Variants in SCN11A observed in about 807,000 individuals in gnomAD.
SCN11A encodes sodium voltage-gated channel alpha subunit 11.
A neutral mutation model predicts 162.2 loss-of-function variants in SCN11A; 122 were observed. The observed-to-expected ratio is 0.75, with a 90% confidence interval of 0.65 to 0.87. The LOEUF (loss-of-function observed/expected upper bound fraction) is 0.87. Among genes scored for constraint, SCN11A ranks in the 40% least tolerant of loss-of-function variants. SCN11A has a pLI of 0.00. For missense variants in SCN11A, 2,015 were observed against 2,181.6 expected (o/e 0.92, Z 1.52); for synonymous variants, 758 against 751.5 (o/e 1.01, Z -0.14).
rs1559498286 is a variant in SCN11A at position 38,871,672 on chromosome 3, T to C, written c.3532A>G (p.Ile1178Val). The change falls in exon 25 of 30, where the codon ATT becomes GTT. Residue 1178 changes from isoleucine to valine, a missense_variant. Transcript: ENST00000302328. ...VNALIGAIPA[I>V]LNVLLVCLIF... Reference sequence around the variant, plus strand: ...AGGCAGACAAGCAAAACATTCAGAATGGCAGGTATGGCACCTATGAGAGCA... The same window carrying C: ...AGGCAGACAAGCAAAACATTCAGAACGGCAGGTATGGCACCTATGAGAGCA... 2 of 1,611,834 alleles carry C rather than the reference T, an allele frequency of 1.2e-6. No homozygotes were observed. Among genetic ancestry groups the C allele is most frequent in the Non-Finnish European group, 8.5e-7 (1 of 1,178,902 alleles).
intron 1 of SCN11A, among the ~76,000 whole-genome samples, chr3:39,040,857 T>C (rs2032034765): frequency 1.3e-5 from 2 of 151,954 alleles, no homozygotes; most frequent in Non-Finnish European, 2.9e-5. Context: ...GGTGGGCGGA[T>C]CATGAGGTCA....
intron 4 of SCN11A, among the ~76,000 whole-genome samples, chr3:38,950,981 A>G (rs1388290136): frequency 6.6e-6 from 1 of 152,372 alleles, no homozygotes; most frequent in East Asian, 1.9e-4. Flanking sequence ...GAGAGGTGAC[A>G]GCGTGCTGGC....
At chr3:38,901,649 G>C (rs2065701631) in intron 16 of SCN11A, among the ~76,000 whole-genome samples, 1 of 152,190 alleles carries the variant, frequency 6.6e-6, no homozygotes, top group African/African-American at 2.4e-5. Flanking sequence ...CCTGGCCCAT[G>C]CATCAGAGGA....
intron 11 of SCN11A, among the ~76,000 whole-genome samples, chr3:38,910,863 A>G (rs1050642081): frequency 1.2e-4 from 18 of 152,242 alleles, no homozygotes; most frequent in African/African-American, 4.1e-4. Flanking sequence ...TTACCAAAAC[A>G]CAAATTATTG....
rs2065286857 is a variant in SCN11A, at chr3:38,880,205, C to T, written c.3220-82G>A. 5 of 999,244 alleles carry T rather than the reference C, an allele frequency of 5.0e-6. No individual in the cohort carries two copies. The South Asian group carries it at 6.8e-5, about 13-fold the overall frequency. 61.9% of individuals were successfully genotyped at this position (999,244 alleles called of 1,614,324 possible). A position where few individuals can be genotyped will look rare whatever the true frequency, so the allele number is the denominator to read the frequency against. On this transcript the variant is annotated intron_variant, in intron 22 of 29. Coordinates refer to ENST00000302328, the MANE Select transcript of SCN11A (RefSeq NM_001349253.2). ...GTAACTTTACTTTTTGTTTTTCTTC[C>T]TTATATGAATAAAAACTGGTATCTC...
chr3:38,859,323 A>C (rs1020233881), intron 28 of SCN11A, among the ~76,000 whole-genome samples: 4 of 152,124 alleles, frequency 2.6e-5, no homozygotes, highest in African/African-American at 9.7e-5. Flanking sequence ...TCAATTAAAA[A>C]TGATACAGGA....
At position 38,995,797 on chromosome 3, in the gene SCN11A, T is replaced by TTGTCTATCTATCTATCTGTC. The variant is rs1553648565; in HGVS notation, c.-279-35375_-279-35374insGACAGATAGATAGATAGACA. Among the ~76,000 whole-genome samples, 328 of 108,554 alleles carry TTGTCTATCTATCTATCTGTC rather than the reference T, an allele frequency of 3.0e-3. 1 individual carries two copies. Among genetic ancestry groups the TTGTCTATCTATCTATCTGTC allele is most frequent in the African/African-American group, 0.014 (307 of 22,168 alleles). The allele number at this position is 108,554 out of a possible 152,430, so 71.2% of individuals were successfully genotyped here. On this transcript the variant is annotated intron_variant, in intron 2 of 29. Coordinates refer to ENST00000302328, the MANE Select transcript of SCN11A (RefSeq NM_001349253.2). The stretch of plus-strand genomic sequence containing the variant: ...ATGTGAGCCAATTTCTCACAATAAA[T>TTGTCTATCTATCTATCTGTC]TGTCTATCTATCTATCTATCTGTCT...
rs1372148472 is a variant in SCN11A at position 39,020,968 on chromosome 3, T to G, written c.-280+11412A>C. On this transcript the variant is annotated intron_variant, in intron 2 of 29. Transcript: ENST00000302328. ...CAAAAAAAAATATTGCAAAGGGGAG[T>G]GGGGAGGAACTATTGCAATAGTGAG... Among the ~76,000 whole-genome samples, 4 of 144,260 alleles carry G rather than the reference T, an allele frequency of 2.8e-5. No homozygotes were observed. In the East Asian group the frequency reaches 8.1e-4, roughly 29 times the overall value. 94.6% of individuals were successfully genotyped at this position (144,260 alleles called of 152,430 possible).
At chr3:39,022,664 T>C (rs990253892) in intron 2 of SCN11A, among the ~76,000 whole-genome samples, 2 of 152,106 alleles carry the variant, frequency 1.3e-5, no homozygotes, top group African/African-American at 2.4e-5. Context: ...GGTGGATTGC[T>C]TGAGTCCAGG....
intron 2 of SCN11A, among the ~76,000 whole-genome samples, chr3:38,985,216 C>A (rs1399554157): frequency 6.8e-6 from 1 of 148,018 alleles, no homozygotes; most frequent in Non-Finnish European, 1.5e-5. Context: ...CAAGCTCTGC[C>A]TCCCGGGTTT....
intron 21 of SCN11A, among the ~76,000 whole-genome samples, chr3:38,883,857 G>A (rs184756315): frequency 6.6e-6 from 1 of 152,304 alleles, no homozygotes; most frequent in African/African-American, 2.4e-5. Context: ...TGTTTGTTAT[G>A]CAGCAATTTT....
chr3:39,027,265 T>G (rs1353003499), intron 2 of SCN11A, among the ~76,000 whole-genome samples: 1 of 152,232 alleles, frequency 6.6e-6, no homozygotes, highest in Admixed American at 6.5e-5. Context: ...TAAGTCATGC[T>G]TGCAAAGCCA....
intron 1 of SCN11A, among the ~76,000 whole-genome samples, chr3:39,041,072 ACT>A (rs2032040418): frequency 6.6e-6 from 1 of 152,264 alleles, no homozygotes; most frequent in South Asian, 2.1e-4. Flanking sequence ...AAAGAGCAAG[ACT>A]CTGTCTCAAA....
intron 2 of SCN11A, among the ~76,000 whole-genome samples, chr3:38,995,582 T>A (rs936384154): frequency 2.0e-5 from 3 of 152,114 alleles, no homozygotes; most frequent in Non-Finnish European, 4.4e-5. Context: ...AAGGAGAAAT[T>A]CCTCTCTTTT....
chr3:38,942,787 C>T (rs902441831), intron 7 of SCN11A, among the ~76,000 whole-genome samples: 8 of 151,682 alleles, frequency 5.3e-5, no homozygotes, highest in African/African-American at 1.9e-4. Context: ...ACTTAAGAAG[C>T]TAGAAAAAGA....
chr3:38,964,439 A>G (rs2066768729), intron 2 of SCN11A, among the ~76,000 whole-genome samples: 1 of 152,242 alleles, frequency 6.6e-6, no homozygotes, highest in Non-Finnish European at 1.5e-5. Context: ...AGGAGCATGC[A>G]TCTGCTGCAT....
At chr3:38,850,210 T>C (rs893386901) in intron 29 of SCN11A, 11 of 339,300 alleles carry the variant, frequency 3.2e-5, no homozygotes, top group Middle Eastern at 7.7e-4. Flanking sequence ...CTGAGTCATT[T>C]TAATTTTGTC....
At chr3:38,932,558 C>T (rs2066259384) in intron 7 of SCN11A, among the ~76,000 whole-genome samples, 2 of 152,214 alleles carry the variant, frequency 1.3e-5, no homozygotes, top group Admixed American at 6.5e-5. Flanking sequence ...AATGGCGCAC[C>T]AGGAGATTAT....
In SCN11A at chr3:38,925,557, C is replaced by G. The variant is rs761356722; in HGVS notation, c.618-48G>C. On this transcript the variant is annotated intron_variant, in intron 8 of 29. Coordinates refer to ENST00000302328, the MANE Select transcript of SCN11A (RefSeq NM_001349253.2). ...GGCATGGGCTTGCTCAGTCCTGCAG[C>G]TGCACTGCACATCTCCACAAAAGCC... The G allele has an allele frequency of 2.3e-5, 29 of 1,273,696 alleles. 1 individual carries two copies. In the Middle Eastern group the frequency reaches 5.6e-4, roughly 25 times the overall value. The allele number at this position is 1,273,696 out of a possible 1,614,324, so 78.9% of individuals were successfully genotyped here.
Sources: gnomAD v4.1 joint callset for allele counts (sites outside exome capture counted in the v4.1 genomes callset) on GRCh38, gnomAD v4.1.1 for gene constraint, MANE v1.5 for transcripts, NCBI Gene and HGNC (gene_info 2026-07-23, HGNC 2026-07-21) for gene names.